The following TANC1 variants were observed in gnomAD, a reference collection of about 807,000 sequenced individuals.
The protein encoded by TANC1 is tetratricopeptide repeat, ankyrin repeat and coiled-coil containing 1.
In TANC1, 77 loss-of-function variants were observed where a neutral mutation model predicts 149.7. The ratio of observed to expected loss-of-function variants is 0.51; its 90% CI spans 0.43 to 0.62. TANC1 has a LOEUF of 0.62. TANC1 is among the 20% of genes least tolerant of loss of function. The pLI is 0.00. For missense variants in TANC1, 1,985 were observed against 2,321.8 expected (o/e 0.85, Z 2.98); for synonymous variants, 854 against 925.0 (o/e 0.92, Z 1.39).
At chr2:159,058,616 G>A (rs1423971988) in intron 2 of TANC1, among the ~76,000 whole-genome samples, 1 of 152,176 alleles carries the variant, frequency 6.6e-6, no homozygotes, top group Non-Finnish European at 1.5e-5. Context: ...GACCATTGTG[G>A]CCTGAGAAGG....
intron 19 of TANC1, among the ~76,000 whole-genome samples, chr2:159,215,302 G>C (rs1258765170): frequency 6.6e-6 from 1 of 152,204 alleles, no homozygotes. Flanking sequence ...AAGAGGTGAG[G>C]TTGCCAGCCA....
intron 4 of TANC1, among the ~76,000 whole-genome samples, chr2:159,131,233 A>G (rs1430605836): frequency 6.6e-6 from 1 of 152,100 alleles, no homozygotes; most frequent in Non-Finnish European, 1.5e-5. Context: ...TACAAGTTTA[A>G]AAAAAACATG....
At chr2:159,228,595 C>T (rs2060160252) in intron 25 of TANC1, 2 of 546,260 alleles carry the variant, frequency 3.7e-6, no homozygotes, top group Non-Finnish European at 3.3e-6. Flanking sequence ...CCACTGTTTT[C>T]ATAGTGGATT....
chr2:159,097,705 A>T lies in TANC1; in HGVS notation c.130A>T (p.Ser44Cys), dbSNP rs752310514. Residue 44 changes from serine to cysteine, a missense_variant, in exon 4 of 27, where the codon AGT becomes TGT. Physicochemically the swap from Ser to Cys is moderately radical, Grantham distance 112 (BLOSUM62 -1). Around this residue, in one of 3 missense-constraint regions of TANC1, gnomAD observed 557 missense variants for 612.9 expected, o/e 0.91. Transcript: ENST00000263635. The part of the protein sequence containing the change: ...LDHSADSPVS[S>C]LPTAEDTYRV... ...CCACAGTGCTGACTCTCCTGTGAGC[A>T]GTCTTCCCACAGCAGAGGACACCTA... 6.2e-7 allele frequency: 1 copy of T among 1,614,148 alleles called. No individual in the cohort carries two copies. Among genetic ancestry groups the T allele is most frequent in the South Asian group, 1.1e-5 (1 of 91,072 alleles).
intron 1 of TANC1, among the ~76,000 whole-genome samples, chr2:158,992,930 G>T (rs925538342): frequency 6.6e-6 from 1 of 151,352 alleles, no homozygotes; most frequent in Non-Finnish European, 1.5e-5. Flanking sequence ...TGCTTCACTT[G>T]CACCTTTACT....
At chr2:159,196,556 C>A in intron 17 of TANC1, 52 bp from the exon 18 acceptor site, 1 of 1,506,196 alleles carries the variant, frequency 6.6e-7, no homozygotes, top group Non-Finnish European at 9.0e-7. Flanking sequence ...CATCTGCATG[C>A]TCAGAGGCAA....
chr2:159,109,407 C>T (rs1003561404), intron 4 of TANC1, among the ~76,000 whole-genome samples: 1 of 152,150 alleles, frequency 6.6e-6, no homozygotes, highest in Non-Finnish European at 1.5e-5. Flanking sequence ...AATTAGGATG[C>T]TATGAAGAGA....
At chr2:159,092,817 G>A (rs264630) in intron 3 of TANC1, among the ~76,000 whole-genome samples, 12 of 152,170 alleles carry the variant, frequency 7.9e-5, no homozygotes, top group East Asian at 1.9e-4. Context: ...GTGTGCTGAC[G>A]CCTTATGTAT....
intron 3 of TANC1, among the ~76,000 whole-genome samples, chr2:159,070,922 C>G (rs147001032): frequency 1.5e-3 from 226 of 152,196 alleles, no homozygotes; most frequent in African/African-American, 4.9e-3. Flanking sequence ...TTTTTTTCTA[C>G]TGGTCTCCAA....
chr2:159,136,079 G>T, intron 4 of TANC1, 115 bp from the exon 5 acceptor site: 10 of 598,756 alleles, frequency 1.7e-5, no homozygotes, highest in Non-Finnish European at 2.2e-5. Context: ...GGAGGGGAAG[G>T]CACTGGCTCT....
chr2:159,231,336 AACTT>A lies in TANC1; in HGVS notation c.*330_*333del, dbSNP rs757711523. The A allele has an allele frequency of 1.8e-4, 41 of 226,368 alleles. No individual in the cohort carries two copies. The highest frequency in any genetic ancestry group is 3.3e-4 in the Non-Finnish European group (38 of 114,932). 14.0% of individuals were successfully genotyped at this position (226,368 alleles called of 1,614,324 possible). On this transcript the variant is annotated 3_prime_UTR_variant, in exon 27 of 27. Transcript: ENST00000263635. ...CCTTTGCTATATGGTAGAATCACAG[AACTT>A]ACTTAGAGAATAAATATGTCTATTG...
At chr2:159,149,317 T>G in intron 6 of TANC1, 45 bp downstream of exon 6, 1 of 1,613,210 alleles carries the variant, frequency 6.2e-7, no homozygotes, top group Non-Finnish European at 8.5e-7. Flanking sequence ...CTTCAGAGGA[T>G]GAACGAAGCA....
chr2:159,115,265 G>T (rs2048131087), intron 4 of TANC1, among the ~76,000 whole-genome samples: 1 of 152,030 alleles, frequency 6.6e-6, no homozygotes. Context: ...GATGTCCTAT[G>T]ACAGAGTTAA....
intron 22 of TANC1, among the ~76,000 whole-genome samples, chr2:159,222,091 C>T (rs2059742499): frequency 6.6e-6 from 1 of 152,184 alleles, no homozygotes; most frequent in Non-Finnish European, 1.5e-5. Flanking sequence ...AACTTCAGTA[C>T]CTTGTAAACT....
rs575035307 is a variant in TANC1 at position 159,094,797 on chromosome 2, TG to T, written c.62-2835del. 5.0e-3 allele frequency among the ~76,000 whole-genome samples: 740 copies of T among 148,766 alleles called. 5 individuals are homozygous for T. Among genetic ancestry groups the T allele is most frequent in the Non-Finnish European group, 6.9e-3 (463 of 67,206 alleles). ...TGTGGGGGGGGGGTGGGGGCCAGCC[TG>T]GGGGCCACTGCTGTCCACACAGCCT... is the stretch of plus-strand genomic sequence containing the variant. On this transcript the variant is annotated intron_variant, in intron 3 of 26. Transcript: ENST00000263635.
At chr2:159,064,257 T>C (rs1469983100) in intron 2 of TANC1, among the ~76,000 whole-genome samples, 1 of 152,222 alleles carries the variant, frequency 6.6e-6, no homozygotes, top group Admixed American at 6.5e-5. Context: ...CTTCCAACTT[T>C]AGTGTTTGCC....
At chr2:159,189,275 G>A (rs1031095299) in intron 16 of TANC1, among the ~76,000 whole-genome samples, 3 of 152,196 alleles carry the variant, frequency 2.0e-5, no homozygotes, top group South Asian at 2.1e-4. Flanking sequence ...AGGAGCTGCC[G>A]ACCTTGAGGA....
Position 159,225,792 on chromosome 2 carries a change from G to A in TANC1, c.3903+13G>A, listed in dbSNP as rs370022165. 3.4e-5 allele frequency: 55 copies of A among 1,601,530 alleles called. No homozygotes were observed. In the Middle Eastern group the frequency reaches 6.6e-4, roughly 19 times the overall value. Reference sequence around the variant, plus strand: ...TGTGATGTACAAAGTAAGTGGTTCCGCCCTTTTCTTTGCCATTGAAACTGC... The same window carrying A: ...TGTGATGTACAAAGTAAGTGGTTCCACCCTTTTCTTTGCCATTGAAACTGC... On this transcript the variant is annotated intron_variant, in intron 24 of 26. Transcript: ENST00000263635.
chr2:159,100,620 T>A (rs2046585583), intron 4 of TANC1, among the ~76,000 whole-genome samples: 1 of 152,236 alleles, frequency 6.6e-6, no homozygotes, highest in Non-Finnish European at 1.5e-5. Context: ...GATACATCTC[T>A]AACGGAGCAG....
Sources: gnomAD v4.1 joint callset for allele counts (sites outside exome capture counted in the v4.1 genomes callset) on GRCh38, gnomAD v4.1.1 for gene constraint, gnomAD v4.1.1 regional missense constraint, MANE v1.5 for transcripts, NCBI Gene and HGNC (gene_info 2026-07-23, HGNC 2026-07-21) for gene names.